The following MAPK8IP2 variants were observed in gnomAD, a reference collection of about 807,000 sequenced individuals.
MAPK8IP2 encodes the protein C-Jun-amino-terminal kinase-interacting protein 2.
In MAPK8IP2, 15 loss-of-function variants were observed where a neutral mutation model predicts 75.6. The ratio of observed to expected loss-of-function variants is 0.20; its 90% CI spans 0.13 to 0.31. The LOEUF is 0.31. Ranked by LOEUF, MAPK8IP2 falls within the 10% of genes least tolerant of loss-of-function variation. The pLI, the probability that MAPK8IP2 is intolerant of heterozygous loss-of-function variation, is 1.00. For missense variants in MAPK8IP2, 1,089 were observed against 1,211.2 expected (o/e 0.90, Z 1.50); for synonymous variants, 632 against 554.5 (o/e 1.14, Z -1.96).
At position 50,613,800 on chromosome 22, in the gene MAPK8IP2, C is replaced by T. The variant is rs1158359822; in HGVS notation, c.*3021C>T. 6.6e-6 allele frequency: 1 copy of T among 152,284 alleles called. No homozygotes were observed. The highest frequency in any genetic ancestry group is 1.5e-5 in the Non-Finnish European group (1 of 68,086). The allele number at this position is 152,284 out of a possible 1,614,324, so 9.4% of individuals were successfully genotyped here. ...TGGTCTCGGGCCTTCTGAGGACTTG[C>T]TCTCCTGGTAGCGGCTGCTGACTGT... On this transcript the variant is annotated 3_prime_UTR_variant, in exon 12 of 12. Coordinates refer to ENST00000329492, the MANE Select transcript of MAPK8IP2 (RefSeq NM_012324.6).
Position 50,607,802 on chromosome 22 carries a change from A to T in MAPK8IP2, c.2303+811A>T, listed in dbSNP as rs1046793333. Among the ~76,000 whole-genome samples the T allele has an allele frequency of 6.6e-6, 1 of 151,954 alleles. No individual in the cohort carries two copies. Among genetic ancestry groups the T allele is most frequent in the Non-Finnish European group, 1.5e-5 (1 of 67,978 alleles). On this transcript the variant is annotated intron_variant, in intron 10 of 11. Coordinates refer to ENST00000329492, the MANE Select transcript of MAPK8IP2 (RefSeq NM_012324.6). This position sits in a 1 kb window ranked among gnomAD's most constrained non-coding sequence, Gnocchi z 5.6. The stretch of plus-strand genomic sequence containing the variant: ...TAGGAGGGAGACCTGGAGGGAAGAT[A>T]CCAGGTCAGAGCAGGTAGATCACTG...
chr22:50,605,699 C>T lies in MAPK8IP2; in HGVS notation c.1979C>T (p.Ala660Val). ...GERGVFPAFYAHAVPGPAKDL... is the reference protein window; with the variant it reads ...GERGVFPAFYVHAVPGPAKDL... ...CGCGGTGTGTTTCCTGCCTTCTACG[C>T]CCATGCGGTGCCCGGCCCTGCCAAG... is the stretch of plus-strand genomic sequence containing the variant. Residue 660 changes from alanine to valine, a missense_variant, in exon 7 of 12, where the codon GCC (alanine) becomes GTC (valine). By Grantham distance (64) the Ala-to-Val change is moderately conservative. Coordinates refer to ENST00000329492, the MANE Select transcript of MAPK8IP2 (RefSeq NM_012324.6). The T allele has an allele frequency of 6.2e-7, 1 of 1,611,310 alleles. No individual in the cohort carries two copies. The highest frequency in any genetic ancestry group is 8.5e-7 in the Non-Finnish European group (1 of 1,179,020).
chr22:50,603,896 A>G lies in MAPK8IP2; in HGVS notation c.597A>G (p.Pro199=), dbSNP rs1049664515. The G allele has an allele frequency of 3.3e-6, 5 of 1,536,102 alleles. No individual in the cohort carries two copies. In the African/African-American group the frequency reaches 6.9e-5, roughly 21 times the overall value. ...CCGGGCCCGGCGGGGCGCAGTCGCC[A>G]GTGCGCCCGGGTTGCGACTGCGAAG... ...TDTGPGGAQS[P]VRPGCDCEGN... is the part of the protein sequence containing the mutation. The change falls in exon 5 of 12, where the codon CCA becomes CCG. Residue 199 remains proline, a synonymous_variant. Transcript: ENST00000329492.
chr22:50,605,489 G>A, intron 6 of MAPK8IP2, 46 bp downstream of exon 6: 4 of 1,611,078 alleles, frequency 2.5e-6, no homozygotes, highest in Non-Finnish European at 3.4e-6. Flanking sequence ...CTCAGTCCCT[G>A]CCATCACGGA....
At position 50,607,313 on chromosome 22, in the gene MAPK8IP2, CA is replaced by C. The variant is rs1358720435; in HGVS notation, c.2303+323del. The stretch of plus-strand genomic sequence containing the variant: ...GCCAGCCTGGAAACACAGCAGGTGA[CA>C]GCGGTGGGGAAGTGGATCTTCCTGG... On this transcript the variant is annotated intron_variant, in intron 10 of 11. Coordinates refer to ENST00000329492, the MANE Select transcript of MAPK8IP2 (RefSeq NM_012324.6). The surrounding 1 kb of genome is among the most constrained non-coding windows in gnomAD (Gnocchi z 5.6). Among the ~76,000 whole-genome samples, 2 of 152,240 alleles carry C rather than the reference CA, an allele frequency of 1.3e-5. No individual in the cohort carries two copies. The highest frequency in any genetic ancestry group is 2.4e-5 in the African/African-American group (1 of 41,542).
chr22:50,601,529 T>G, intron 1 of MAPK8IP2: 1 of 432,718 alleles, frequency 2.3e-6, no homozygotes. Context: ...GAGGAGAGGC[T>G]GCTGGCTCTC....
At position 50,604,627 on chromosome 22, in the gene MAPK8IP2, G is replaced by A. The variant is rs1246414216; in HGVS notation, c.1328G>A (p.Arg443His). The change falls in exon 5 of 12, where the codon CGT (arginine) becomes CAT (histidine). Residue 443 changes from arginine to histidine, a missense_variant. Arg to His is a conservative substitution (Grantham distance 29). Coordinates refer to ENST00000329492, the MANE Select transcript of MAPK8IP2 (RefSeq NM_012324.6). ...GPCLFLSNPT[R>H]DTITPLWAAP... ...TGCCTATTCCTCAGCAACCCCACGC[G>A]TGACACCATCACGCCGCTGTGGGCC... The A allele has an allele frequency of 2.0e-6, 3 of 1,514,262 alleles. No individual in the cohort carries two copies. Among genetic ancestry groups the A allele is most frequent in the African/African-American group, 1.4e-5 (1 of 70,402 alleles). 93.8% of individuals were successfully genotyped at this position (1,514,262 alleles called of 1,614,324 possible).
In MAPK8IP2 at chr22:50,601,904, G is replaced by C; in HGVS notation, c.171+10G>C. The C allele has an allele frequency of 6.2e-7, 1 of 1,608,052 alleles. No individual in the cohort carries two copies. The highest frequency in any genetic ancestry group is 8.5e-7 in the Non-Finnish European group (1 of 1,174,556). On this transcript the variant is annotated intron_variant, in intron 2 of 11. Transcript: ENST00000329492. Reference sequence around the variant, plus strand: ...AGACCACTGTGAGAAGGTGGGAGAAGAGTTGGGGACACAGATCCAGCTCAA... The same window carrying C: ...AGACCACTGTGAGAAGGTGGGAGAACAGTTGGGGACACAGATCCAGCTCAA...
Position 50,603,245 on chromosome 22 carries a change from C to T in MAPK8IP2, c.194C>T (p.Ser65Leu), listed in dbSNP as rs778155672. Residue 65 changes from serine to leucine, a missense_variant, in exon 3 of 12, where the codon TCG becomes TTG. By Grantham distance (145) the Ser-to-Leu change is moderately radical. Around this residue, in one of 2 missense-constraint regions of MAPK8IP2, gnomAD observed 960 missense variants for 1,009.6 expected, o/e 0.95. Coordinates refer to ENST00000329492, the MANE Select transcript of MAPK8IP2 (RefSeq NM_012324.6). ...CAGGACAGCCTCTCCCTGGGGCGCT[C>T]GGAGCAGCCGCACCCCATCTGCTCC... Reference protein sequence around the residue: ...CEKDSLSLGRSEQPHPICSFQ... With the variant: ...CEKDSLSLGRLEQPHPICSFQ... 5.5e-5 allele frequency: 89 copies of T among 1,606,456 alleles called. No individual in the cohort carries two copies. Among genetic ancestry groups the T allele is most frequent in the Middle Eastern group, 3.3e-4 (2 of 6,080 alleles).
At position 50,604,678 on chromosome 22, in the gene MAPK8IP2, G is replaced by A. The variant is rs1311836602; in HGVS notation, c.1379G>A (p.Gly460Glu). Residue 460 changes from glycine to glutamate, a missense_variant, in exon 5 of 12, where the codon GGA (glycine) becomes GAA (glutamate). Coordinates refer to ENST00000329492, the MANE Select transcript of MAPK8IP2 (RefSeq NM_012324.6). ...WAAPGRAARPGRACSAACSEE... is the reference protein window; with the variant it reads ...WAAPGRAARPERACSAACSEE... ...GCGCCCGGCCGCGCCGCCCGCCCGG[G>A]ACGAGCCTGCTCCGCCGCCTGCTCC... 2.0e-6 allele frequency: 3 copies of A among 1,523,854 alleles called. No individual in the cohort carries two copies. The highest frequency in any genetic ancestry group is 1.8e-6 in the Non-Finnish European group (2 of 1,139,900). The allele number at this position is 1,523,854 out of a possible 1,614,324, so 94.4% of individuals were successfully genotyped here. A position where few individuals can be genotyped will look rare whatever the true frequency, so the allele number is the denominator to read the frequency against.
At chr22:50,605,185 G>T in intron 5 of MAPK8IP2, 121 bp downstream of exon 5, 1 of 1,279,244 alleles carries the variant, frequency 7.8e-7, no homozygotes, top group African/African-American at 1.5e-5. Flanking sequence ...GTCAGGGCTG[G>T]GTGCCCTCTC....
intron 10 of MAPK8IP2, among the ~76,000 whole-genome samples, chr22:50,608,253 G>C (rs2071082359): frequency 6.6e-6 from 1 of 151,760 alleles, no homozygotes. Flanking sequence ...GCTCAGTGGG[G>C]TGGAGAGGTG....
chr22:50,601,670 T>G, intron 1 of MAPK8IP2, 119 bp from the exon 2 acceptor site: 1 of 689,916 alleles, frequency 1.4e-6, no homozygotes, highest in South Asian at 1.7e-5. Flanking sequence ...TTCCGAGAGC[T>G]GGGGGCTGTG....
Position 50,610,163 on chromosome 22 carries a change from A to G in MAPK8IP2, c.2304-49A>G. 6.9e-7 allele frequency: 1 copy of G among 1,450,966 alleles called. No individual in the cohort carries two copies. The allele number at this position is 1,450,966 out of a possible 1,614,324, so 89.9% of individuals were successfully genotyped here. ...TCTCTACATCATTTGTGGGGTGGCC[A>G]AGGCTGGGCCAGGGCTCTGACGTGC... On this transcript the variant is annotated intron_variant, in intron 10 of 11. Coordinates refer to ENST00000329492, the MANE Select transcript of MAPK8IP2 (RefSeq NM_012324.6). This position sits in a 1 kb window ranked among gnomAD's most constrained non-coding sequence, Gnocchi z 4.3.
rs367580729 is a variant in MAPK8IP2 at position 50,603,668 on chromosome 22, G to T, written c.490G>T (p.Ala164Ser). Reference protein sequence around the residue: ...NNGGFDLVRPASWQETALCSP... With the variant: ...NNGGFDLVRPSSWQETALCSP... ...CGGAGGCTTTGACCTGGTGCGTCCG[G>T]CCTCCTGGCAGGAGACAGCGCTATG... Residue 164 changes from alanine (A) to serine (S), a missense_variant, in exon 4 of 12, where the codon GCC becomes TCC. Physicochemically the swap from Ala to Ser is moderately conservative, Grantham distance 99 (BLOSUM62 1). Coordinates refer to ENST00000329492, the MANE Select transcript of MAPK8IP2 (RefSeq NM_012324.6). 1.3e-5 allele frequency: 21 copies of T among 1,591,438 alleles called. No individual in the cohort carries two copies. In the East Asian group the frequency reaches 4.8e-4, roughly 37 times the overall value.
Position 50,610,156 on chromosome 22 carries a change from G to A in MAPK8IP2, c.2304-56G>A, listed in dbSNP as rs2071123666. The A allele has an allele frequency of 2.3e-6, 3 of 1,312,042 alleles. No homozygotes were observed. The highest frequency in any genetic ancestry group is 2.9e-5 in the African/African-American group (2 of 68,586). The allele number at this position is 1,312,042 out of a possible 1,614,324, so 81.3% of individuals were successfully genotyped here. On this transcript the variant is annotated intron_variant, in intron 10 of 11. Coordinates refer to ENST00000329492, the MANE Select transcript of MAPK8IP2 (RefSeq NM_012324.6). This position sits in a 1 kb window ranked among gnomAD's most constrained non-coding sequence, Gnocchi z 4.3. ...CCTCTTCTCTCTACATCATTTGTGGGGTGGCCAAGGCTGGGCCAGGGCTCT... is the reference window on the plus strand; with the variant it reads ...CCTCTTCTCTCTACATCATTTGTGGAGTGGCCAAGGCTGGGCCAGGGCTCT...
At chr22:50,603,783 G>C in intron 4 of MAPK8IP2, 58 bp from the exon 5 acceptor site, 1 of 1,538,962 alleles carries the variant, frequency 6.5e-7, no homozygotes, top group Admixed American at 2.0e-5. Flanking sequence ...GGATGGACTG[G>C]CTGCTGGAAG....
At chr22:50,601,474 C>G in intron 1 of MAPK8IP2, 3 of 304,716 alleles carry the variant, frequency 9.8e-6, no homozygotes, top group South Asian at 4.6e-5. Context: ...CCCTCCCCTG[C>G]TCTGCAAGAC....
At chr22:50,600,911 G>T in intron 1 of MAPK8IP2, 28 bp downstream of exon 1, 3 of 1,169,970 alleles carry the variant, frequency 2.6e-6, no homozygotes, top group Non-Finnish European at 2.2e-6. Context: ...CGGGCCGGGC[G>T]GACCCTCCGC....
Sources: gnomAD v4.1 joint callset for allele counts (sites outside exome capture counted in the v4.1 genomes callset) on GRCh38, gnomAD v4.1.1 for gene constraint, gnomAD v4.1.1 regional missense constraint, Gnocchi (gnomAD v3.1) non-coding constraint, MANE v1.5 for transcripts, NCBI Gene and HGNC (gene_info 2026-07-23, HGNC 2026-07-21) for gene names.